SEMA5A: variants seen among roughly 807,000 people sequenced by gnomAD.
SEMA5A encodes the protein semaphorin-5A.
Under a neutral mutation model 135.5 loss-of-function variants are expected in SEMA5A, and 55 were observed. That is an observed-to-expected ratio of 0.41 (90% confidence interval 0.33 to 0.51). The LOEUF is 0.51. Ranked by LOEUF, SEMA5A falls within the 20% of genes least tolerant of loss-of-function variation. The probability of loss-of-function intolerance (pLI) is 0.37; values close to 1 mark genes in which losing one functional copy is unlikely to be tolerated. For missense variants in SEMA5A, 1,290 were observed against 1,419.9 expected (o/e 0.91, Z 1.47); for synonymous variants, 580 against 546.5 (o/e 1.06, Z -0.85).
At chr5:9,174,712 G>C (rs1744111403) in intron 11 of SEMA5A, among the ~76,000 whole-genome samples, 1 of 152,154 alleles carries the variant, frequency 6.6e-6, no homozygotes, top group Non-Finnish European at 1.5e-5. Flanking sequence ...AAAAACATCA[G>C]ATACTCAAAG....
chr5:9,150,371 G>A (rs1379526255), intron 12 of SEMA5A, among the ~76,000 whole-genome samples: 2 of 152,144 alleles, frequency 1.3e-5, no homozygotes, highest in Non-Finnish European at 2.9e-5. Flanking sequence ...CATGAATAGT[G>A]CAGTTTCTCT....
intron 1 of SEMA5A, among the ~76,000 whole-genome samples, chr5:9,441,159 C>T (rs750320750): frequency 6.6e-6 from 1 of 152,152 alleles, no homozygotes; most frequent in Non-Finnish European, 1.5e-5. Flanking sequence ...AAAACAAGAA[C>T]CTATTACACT....
At position 9,052,006 on chromosome 5, in the gene SEMA5A, GTCCGACCAC is replaced by G; in HGVS notation, c.2703_2711del (p.Glu901_Ser903del). On this transcript the variant is annotated inframe_deletion, in exon 20 of 23. Coordinates refer to ENST00000382496, the MANE Select transcript of SEMA5A (RefSeq NM_003966.3). ...CGCCAGAGGCTTCACACTCAGACCA[GTCCGACCAC>G]TCCGACCAGCTCTCTGCAGAGACCA... 1 of 1,611,856 alleles carries G rather than the reference GTCCGACCAC, an allele frequency of 6.2e-7. No individual in the cohort carries two copies. The highest frequency in any genetic ancestry group is 8.5e-7 in the Non-Finnish European group (1 of 1,178,772).
At chr5:9,516,648 A>G (rs1404271355) in intron 1 of SEMA5A, 1 of 152,200 alleles carries the variant, frequency 6.6e-6, no homozygotes, top group African/African-American at 2.4e-5. Flanking sequence ...CCATTTCCTA[A>G]GACGTTGCTT....
At chr5:9,183,435 G>A (rs1331870175) in intron 11 of SEMA5A, among the ~76,000 whole-genome samples, 2 of 152,152 alleles carry the variant, frequency 1.3e-5, no homozygotes, top group Non-Finnish European at 2.9e-5. Flanking sequence ...TCCCAGAAGC[G>A]TGCGATCTCA....
chr5:9,374,622 C>CGT (rs3086524), intron 3 of SEMA5A, among the ~76,000 whole-genome samples: 6,847 of 147,084 alleles, frequency 0.047, 364 homozygotes, highest in African/African-American at 0.13. Context: ...CACAAGACAT[C>CGT]GTGTGTGTGT....
intron 8 of SEMA5A, among the ~76,000 whole-genome samples, chr5:9,223,746 GGTGTAT>G (rs1401715755): frequency 6.6e-6 from 1 of 152,178 alleles, no homozygotes; most frequent in African/African-American, 2.4e-5. Flanking sequence ...TGTCTTTGTA[GGTGTAT>G]GTGTATGTGC....
At chr5:9,271,356 T>C (rs541561246) in intron 5 of SEMA5A, among the ~76,000 whole-genome samples, 1 of 152,248 alleles carries the variant, frequency 6.6e-6, no homozygotes, top group South Asian at 2.1e-4. Context: ...TAGTTCTTTA[T>C]AGCACTATGA....
chr5:9,255,209 A>T (rs1749002376), intron 5 of SEMA5A, among the ~76,000 whole-genome samples: 1 of 152,218 alleles, frequency 6.6e-6, no homozygotes, highest in South Asian at 2.1e-4. Context: ...ACAGTGATGT[A>T]AGTGTGGCTC....
At chr5:9,301,582 A>T (rs1751611628) in intron 5 of SEMA5A, among the ~76,000 whole-genome samples, 2 of 152,166 alleles carry the variant, frequency 1.3e-5, no homozygotes. Flanking sequence ...TGGTGACAAG[A>T]TGGCTGCAAG....
chr5:9,039,546 G>GTAAC lies in SEMA5A; in HGVS notation c.*3347_*3350dup, dbSNP rs1268866391. The GTAAC allele has an allele frequency of 6.6e-6, 1 of 152,152 alleles. No individual in the cohort carries two copies. Among genetic ancestry groups the GTAAC allele is most frequent in the African/African-American group, 2.4e-5 (1 of 41,436 alleles). 9.4% of individuals were successfully genotyped at this position (152,152 alleles called of 1,614,324 possible). On this transcript the variant is annotated 3_prime_UTR_variant, in exon 23 of 23. Coordinates refer to ENST00000382496, the MANE Select transcript of SEMA5A (RefSeq NM_003966.3). ...GTTCTTTTCTTCTCAAATATGAATG[G>GTAAC]TAACTCTAGTGAGAGCCTACTTGAA...
intron 11 of SEMA5A, among the ~76,000 whole-genome samples, chr5:9,179,548 G>A (rs980486366): frequency 2.3e-4 from 35 of 152,130 alleles, no homozygotes; most frequent in Non-Finnish European, 4.1e-4. Context: ...GGGAGACCAG[G>A]CATCAGCTAC....
chr5:9,080,005 T>C (rs1039747551), intron 16 of SEMA5A, among the ~76,000 whole-genome samples: 2 of 152,202 alleles, frequency 1.3e-5, no homozygotes, highest in African/African-American at 4.8e-5. Context: ...CTCAAGGATC[T>C]AGAACCAGAA....
chr5:9,099,501 T>C (rs550787195), intron 16 of SEMA5A, among the ~76,000 whole-genome samples: 18 of 152,168 alleles, frequency 1.2e-4, no homozygotes, highest in Non-Finnish European at 1.9e-4. Flanking sequence ...ACAACCACAA[T>C]GCAATGGAAG....
intron 1 of SEMA5A, among the ~76,000 whole-genome samples, chr5:9,483,029 T>C (rs1031041877): frequency 2.6e-5 from 4 of 152,236 alleles, no homozygotes; most frequent in Non-Finnish European, 5.9e-5. Context: ...TGTGACCTTA[T>C]TGTGGTAAAT....
intron 11 of SEMA5A, among the ~76,000 whole-genome samples, chr5:9,177,700 TG>T (rs1560991357): frequency 6.6e-6 from 1 of 152,204 alleles, no homozygotes; most frequent in Non-Finnish European, 1.5e-5. Flanking sequence ...AGGCCTGGGC[TG>T]CTGCCAGGTG....
chr5:9,468,093 A>G (rs978524598), intron 1 of SEMA5A, among the ~76,000 whole-genome samples: 1 of 152,136 alleles, frequency 6.6e-6, no homozygotes, highest in Non-Finnish European at 1.5e-5. Context: ...CAGACTCAGA[A>G]CAGCAGGCTG....
chr5:9,075,906 T>C (rs1738026387), intron 16 of SEMA5A, among the ~76,000 whole-genome samples: 1 of 152,120 alleles, frequency 6.6e-6, no homozygotes, highest in Non-Finnish European at 1.5e-5. Flanking sequence ...TTCTTTGCTA[T>C]TTAGAAATTA....
chr5:9,091,733 C>T (rs1024814945), intron 16 of SEMA5A, among the ~76,000 whole-genome samples: 3 of 152,116 alleles, frequency 2.0e-5, no homozygotes, highest in Non-Finnish European at 4.4e-5. Context: ...GGACATAATG[C>T]GGCACCCTCA....
Sources: gnomAD v4.1 joint callset for allele counts (sites outside exome capture counted in the v4.1 genomes callset) on GRCh38, gnomAD v4.1.1 for gene constraint, MANE v1.5 for transcripts, NCBI Gene and HGNC (gene_info 2026-07-23, HGNC 2026-07-21) for gene names.